The following CTNNA2 variants were observed in gnomAD, a reference collection of about 807,000 sequenced individuals.
The protein encoded by CTNNA2 is catenin alpha 2.
CTNNA2 carries 42 observed loss-of-function variants against 101.0 expected under a neutral mutation model. That is an observed-to-expected ratio of 0.42 (90% CI 0.32 to 0.54). The LOEUF is 0.54. CTNNA2 is among the 20% of genes least tolerant of loss of function. The pLI, the probability that CTNNA2 is intolerant of heterozygous loss-of-function variation, is 0.14. For missense variants in CTNNA2, 871 were observed against 1,223.1 expected (o/e 0.71, Z 4.29); for synonymous variants, 450 against 456.4 (o/e 0.99, Z 0.18).
chr2:80,643,696 T>C (rs777476812), intron 18 of CTNNA2, among the ~76,000 whole-genome samples: 3 of 152,122 alleles, frequency 2.0e-5, no homozygotes, highest in Non-Finnish European at 4.4e-5. Flanking sequence ...AAGGATTAGA[T>C]GACTAATAAG....
At chr2:80,093,626 G>A (rs1376129298) in intron 7 of CTNNA2, among the ~76,000 whole-genome samples, 1 of 152,044 alleles carries the variant, frequency 6.6e-6, no homozygotes, top group Non-Finnish European at 1.5e-5. Context: ...CACCAACAGA[G>A]TAAAAGTGTT....
At chr2:80,630,702 C>G (rs1209603090) in intron 18 of CTNNA2, among the ~76,000 whole-genome samples, 1 of 151,964 alleles carries the variant, frequency 6.6e-6, no homozygotes, top group African/African-American at 2.4e-5. Flanking sequence ...TGAGTAACTA[C>G]ATTTTAAAAA....
At chr2:79,339,946 A>G (rs1677090390) in intron 3 of CTNNA2, 4 of 152,188 alleles carry the variant, frequency 2.6e-5, no homozygotes, top group Admixed American at 2.6e-4. Flanking sequence ...TTTCTTACCC[A>G]GGGGTCATCT....
At chr2:79,255,312 T>C (rs769430767) in intron 2 of CTNNA2, among the ~76,000 whole-genome samples, 71 of 152,194 alleles carry the variant, frequency 4.7e-4, no homozygotes, top group Non-Finnish European at 6.9e-4. Flanking sequence ...TTTCCAACCA[T>C]GGAAAGTTGC....
At chr2:80,013,478 T>C (rs1693926422) in intron 7 of CTNNA2, among the ~76,000 whole-genome samples, 1 of 152,198 alleles carries the variant, frequency 6.6e-6, no homozygotes, top group Non-Finnish European at 1.5e-5. Context: ...CTAGCAGGCA[T>C]TCATTGACTA....
chr2:80,141,022 C>T (rs1291226572), intron 7 of CTNNA2, among the ~76,000 whole-genome samples: 1 of 152,032 alleles, frequency 6.6e-6, no homozygotes, highest in Non-Finnish European at 1.5e-5. Context: ...AGTCTGGGCT[C>T]CCTCCTTTTT....
At chr2:79,698,112 A>G (rs1242881263) in intron 2 of CTNNA2, among the ~76,000 whole-genome samples, 1 of 152,064 alleles carries the variant, frequency 6.6e-6, no homozygotes, top group African/African-American at 2.4e-5. Context: ...GATAACATAT[A>G]TGTAAGCTTC....
At position 79,843,526 on chromosome 2, in the gene CTNNA2, T is replaced by C. The variant is rs1679982245; in HGVS notation, c.299-14487T>C. 1.3e-5 allele frequency among the ~76,000 whole-genome samples: 2 copies of C among 152,230 alleles called. 1 individual carries two copies. Among genetic ancestry groups the C allele is most frequent in the South Asian group, 4.1e-4 (2 of 4,830 alleles). ...TATGTCACGATGCCTACTTCTTCCT[T>C]CACGGCCCTAAATACTGCCTGGAAG... On this transcript the variant is annotated intron_variant, in intron 3 of 18. Coordinates refer to ENST00000402739, the MANE Select transcript of CTNNA2 (RefSeq NM_001282597.3).
At chr2:79,614,587 A>G (rs1678496384) in intron 1 of CTNNA2, among the ~76,000 whole-genome samples, 1 of 152,210 alleles carries the variant, frequency 6.6e-6, no homozygotes, top group African/African-American at 2.4e-5. Flanking sequence ...TATAAATTTT[A>G]AAATGCTCTA....
At chr2:79,585,488 C>A (rs1416060219) in intron 1 of CTNNA2, among the ~76,000 whole-genome samples, 2 of 151,824 alleles carry the variant, frequency 1.3e-5, no homozygotes, top group Non-Finnish European at 1.5e-5. Context: ...ATATATTTGG[C>A]TTTTATTCTT....
chr2:79,378,565 T>C (rs1208052431), intron 4 of CTNNA2, among the ~76,000 whole-genome samples: 2 of 152,134 alleles, frequency 1.3e-5, no homozygotes, highest in African/African-American at 4.8e-5. Context: ...ATCCTTCAAA[T>C]GTCATTTGTC....
chr2:80,604,024 C>G, intron 15 of CTNNA2, 50 bp from the exon 16 acceptor site: 3 of 1,534,708 alleles, frequency 2.0e-6, no homozygotes, highest in Non-Finnish European at 2.7e-6. Flanking sequence ...AGGTTGGTCT[C>G]TTTCCCGTCA....
chr2:80,072,289 C>G (rs1265725745), intron 7 of CTNNA2, among the ~76,000 whole-genome samples: 6 of 151,998 alleles, frequency 3.9e-5, no homozygotes, highest in African/African-American at 1.4e-4. Context: ...TTTAAAATGT[C>G]ACCTACCTTT....
At chr2:79,636,689 A>T (rs139241674) in intron 1 of CTNNA2, among the ~76,000 whole-genome samples, 2 of 152,250 alleles carry the variant, frequency 1.3e-5, no homozygotes, top group East Asian at 3.9e-4. Context: ...TAAGGTGAAA[A>T]ATATATATAA....
At chr2:79,677,752 C>G (rs12994923) in intron 2 of CTNNA2, among the ~76,000 whole-genome samples, 10,363 of 152,148 alleles carry the variant, frequency 0.068, 427 homozygotes, top group Non-Finnish European at 0.089. Flanking sequence ...ATGTGATTAT[C>G]CAGCCACTGA....
intron 4 of CTNNA2, among the ~76,000 whole-genome samples, chr2:79,407,795 G>C (rs575675531): frequency 5.3e-5 from 8 of 152,114 alleles, no homozygotes; most frequent in African/African-American, 1.9e-4. Context: ...AGAAAAGCCT[G>C]ACAAAGGGTT....
At chr2:79,485,531 A>T (rs572010530) in intron 4 of CTNNA2, among the ~76,000 whole-genome samples, 5 of 152,332 alleles carry the variant, frequency 3.3e-5, no homozygotes, top group African/African-American at 9.6e-5. Flanking sequence ...CATCATTCAA[A>T]TGACCAGATT....
chr2:79,598,611 G>A (rs1677351347), intron 1 of CTNNA2, among the ~76,000 whole-genome samples: 1 of 152,080 alleles, frequency 6.6e-6, no homozygotes, highest in African/African-American at 2.4e-5. Context: ...TATCTAATTT[G>A]GTGAGATATC....
chr2:80,263,668 C>A (rs978291930), intron 7 of CTNNA2, among the ~76,000 whole-genome samples: 1 of 152,332 alleles, frequency 6.6e-6, no homozygotes, highest in South Asian at 2.1e-4. Context: ...GTTCCTTAGC[C>A]ACTCTCGCCA....
Sources: gnomAD v4.1 joint callset for allele counts (sites outside exome capture counted in the v4.1 genomes callset) on GRCh38, gnomAD v4.1.1 for gene constraint, MANE v1.5 for transcripts, NCBI Gene and HGNC (gene_info 2026-07-23, HGNC 2026-07-21) for gene names.